Variants in HMMR observed in about 807,000 individuals in gnomAD.
HMMR encodes the protein hyaluronan mediated motility receptor, also known as intracellular hyaluronic acid-binding protein.
Under a neutral mutation model 101.0 loss-of-function variants are expected in HMMR, and 108 were observed. The observed-to-expected ratio is 1.07, with a 90% CI of 0.92 to 1.25. The LOEUF (loss-of-function observed/expected upper bound fraction) is 1.25, where lower values mean the gene tolerates loss of function less well. HMMR is among the 50% of genes most tolerant of loss of function. HMMR has a pLI of 0.00. For synonymous variants in HMMR, 296 were observed against 276.4 expected, an observed-to-expected ratio of 1.07 and a Z score of -0.70; for missense variants, 813 against 788.7, an observed-to-expected ratio of 1.03 and a Z score of -0.37.
intron 16 of HMMR, among the ~76,000 whole-genome samples, chr5:163,486,978 G>A (rs1223597522): frequency 6.6e-6 from 1 of 152,128 alleles, no homozygotes; most frequent in Non-Finnish European, 1.5e-5. Context: ...ACTTGGGTAG[G>A]AGAATGGCTT....
intron 12 of HMMR, among the ~76,000 whole-genome samples, chr5:163,480,665 T>A: frequency 6.6e-6 from 1 of 152,182 alleles, no homozygotes; most frequent in East Asian, 1.9e-4. Flanking sequence ...TCCATTTATC[T>A]TCTTTGCCAA....
At chr5:163,480,228 CTGTG>C (rs1759211343) in intron 12 of HMMR, among the ~76,000 whole-genome samples, 1 of 152,002 alleles carries the variant, frequency 6.6e-6, no homozygotes, top group Non-Finnish European at 1.5e-5. Context: ...TTTTTCCCCC[CTGTG>C]TATTATAATT....
chr5:163,490,771 A>C (rs1177234642), intron 17 of HMMR, among the ~76,000 whole-genome samples: 1 of 152,204 alleles, frequency 6.6e-6, no homozygotes, highest in Non-Finnish European at 1.5e-5. Flanking sequence ...GGCAAATCTC[A>C]AATCTTCCTT....
chr5:163,491,298 C>T lies in HMMR; in HGVS notation c.*134C>T. ...CCAATCCTTAAATATGTGAAAGGAA[C>T]ATTTTTTACCAAAGTGTCTTTTGAC... On this transcript the variant is annotated 3_prime_UTR_variant, in exon 18 of 18. Transcript: ENST00000393915. 2 of 530,292 alleles carry T rather than the reference C, an allele frequency of 3.8e-6. No individual in the cohort carries two copies. The highest frequency in any genetic ancestry group is 3.3e-6 in the Non-Finnish European group (1 of 301,438). The allele number at this position is 530,292 out of a possible 1,614,324, so 32.8% of individuals were successfully genotyped here. A position where few individuals can be genotyped will look rare whatever the true frequency, so the allele number is the denominator to read the frequency against.
rs116255556 is a variant in HMMR, at chr5:163,485,890, T to G, written c.1962+1645T>G. ...TGGACATGCAATAGTCCCCACACTATTTTTTAAAGAGAATATTCTTGCCTC... is the reference window on the plus strand; with the variant it reads ...TGGACATGCAATAGTCCCCACACTAGTTTTTAAAGAGAATATTCTTGCCTC... On this transcript the variant is annotated intron_variant, in intron 16 of 17. Coordinates refer to ENST00000393915, the MANE Select transcript of HMMR (RefSeq NM_001142556.2). 9.2e-3 allele frequency among the ~76,000 whole-genome samples: 1,397 copies of G among 151,070 alleles called. 22 individuals carry two copies. The highest frequency in any genetic ancestry group is 0.031 in the African/African-American group (1,273 of 40,562).
intron 8 of HMMR, 49 bp downstream of exon 8, chr5:163,473,302 G>A: frequency 6.8e-7 from 1 of 1,480,066 alleles, no homozygotes; most frequent in African/African-American, 1.4e-5. Flanking sequence ...TTAATACTCA[G>A]TCATTTTCAT....
At chr5:163,470,825 A>C (rs559028510) in intron 5 of HMMR, among the ~76,000 whole-genome samples, 11 of 152,148 alleles carry the variant, frequency 7.2e-5, no homozygotes, top group African/African-American at 2.6e-4. Context: ...CCCCATCTCT[A>C]TAAACAAATT....
At chr5:163,473,597 TTACA>T in intron 9 of HMMR, 40 bp downstream of exon 9, 1 of 1,284,982 alleles carries the variant, frequency 7.8e-7, no homozygotes, top group Non-Finnish European at 1.1e-6. Flanking sequence ...TAGATAAGTG[TTACA>T]TACAACATTT....
At chr5:163,462,383 A>G (rs1193489340) in intron 1 of HMMR, among the ~76,000 whole-genome samples, 1 of 149,400 alleles carries the variant, frequency 6.7e-6, no homozygotes, top group African/African-American at 2.5e-5. Flanking sequence ...AAGCAAAAAA[A>G]CCCCCAAAAT....
chr5:163,478,108 T>C (rs1759128066), intron 11 of HMMR, among the ~76,000 whole-genome samples: 1 of 152,132 alleles, frequency 6.6e-6, no homozygotes, highest in Non-Finnish European at 1.5e-5. Flanking sequence ...ATATATTATT[T>C]CCAAAATATC....
rs1176988900 is a variant in HMMR, at chr5:163,475,457, G to A, written c.1054-1G>A. On this transcript the variant is annotated splice_acceptor_variant, in intron 10 of 17. Coordinates refer to ENST00000393915, the MANE Select transcript of HMMR (RefSeq NM_001142556.2). LOFTEE classifies it high-confidence loss of function. ...TTTGGTGGTTTTCTGTTTGGATATA[G>A]GAATTATCTTCGAGTCTTCATCAGA... 1 of 1,564,116 alleles carries A rather than the reference G, an allele frequency of 6.4e-7. No homozygotes were observed. Among genetic ancestry groups the A allele is most frequent in the Middle Eastern group, 1.7e-4 (1 of 5,868 alleles).
Position 163,473,485 on chromosome 5 carries a change from G to C in HMMR, c.832G>C (p.Glu278Gln), listed in dbSNP as rs1581193065. The change falls in exon 9 of 18, where the codon GAG (glutamate) becomes CAG (glutamine). Residue 278 changes from glutamate (E) to glutamine (Q), a missense_variant. Glu to Gln is a conservative substitution (Grantham distance 29). Coordinates refer to ENST00000393915, the MANE Select transcript of HMMR (RefSeq NM_001142556.2). Reference sequence around the variant, plus strand: ...TTTAAGCCTTAAGCAGTCTCTTGAGGAGAATATTGTTATATTATCTAAACA... The same window carrying C: ...TTTAAGCCTTAAGCAGTCTCTTGAGCAGAATATTGTTATATTATCTAAACA... The part of the protein sequence containing the change: ...EILSLKQSLE[E>Q]NIVILSKQVE... 6.2e-6 allele frequency: 10 copies of C among 1,601,134 alleles called. No homozygotes were observed. The highest frequency in any genetic ancestry group is 8.5e-6 in the Non-Finnish European group (10 of 1,171,128).
At chr5:163,474,396 A>G in intron 10 of HMMR, 191 bp downstream of exon 10, 2 of 566,286 alleles carry the variant, frequency 3.5e-6, no homozygotes, top group South Asian at 3.9e-5. Context: ...CCCTAGGGTT[A>G]TGAATAATGT....
Position 163,463,892 on chromosome 5 carries a change from C to T in HMMR, c.83C>T (p.Thr28Ile). The part of the protein sequence containing the change: ...APSPGAYDVK[T>I]LEVLKGPVSF... ...TCTCCAGGTGCTTATGATGTTAAAA[C>T]TTTAGAAGTATTGAAAGGACCAGTA... The change falls in exon 2 of 18, where the codon ACT becomes ATT. Residue 28 changes from threonine (T) to isoleucine (I), a missense_variant. Coordinates refer to ENST00000393915, the MANE Select transcript of HMMR (RefSeq NM_001142556.2). 6 of 1,495,272 alleles carry T rather than the reference C, an allele frequency of 4.0e-6. No individual in the cohort carries two copies. The highest frequency in any genetic ancestry group is 5.4e-6 in the Non-Finnish European group (6 of 1,120,684). 92.6% of individuals were successfully genotyped at this position (1,495,272 alleles called of 1,614,324 possible).
intron 5 of HMMR, among the ~76,000 whole-genome samples, 176 bp from the exon 6 acceptor site, chr5:163,471,006 GAAA>G (rs557207154): frequency 6.6e-6 from 1 of 150,686 alleles, no homozygotes; most frequent in Non-Finnish European, 1.5e-5. Context: ...AAAAAGAAAA[GAAA>G]AAAAAATTAA....
Position 163,482,643 on chromosome 5 carries a change from T to A in HMMR, c.1387T>A (p.Tyr463Asn). The change falls in exon 13 of 18, where the codon TAT becomes AAT. Residue 463 changes from tyrosine (Y) to asparagine (N), a missense_variant and splice_region_variant. By Grantham distance (143) the Tyr-to-Asn change is moderately radical (BLOSUM62 -2). Coordinates refer to ENST00000393915, the MANE Select transcript of HMMR (RefSeq NM_001142556.2). ...LEDVTAQFESYKALTASEIED... is the reference protein window; with the variant it reads ...LEDVTAQFESNKALTASEIED... ...TGACTTTTTTTTCTTTTTAATAAGC[T>A]ATAAAGCGTTAACAGCCAGTGAGAT... 2 of 1,606,842 alleles carry A rather than the reference T, an allele frequency of 1.2e-6. No individual in the cohort carries two copies. The highest frequency in any genetic ancestry group is 1.7e-6 in the Non-Finnish European group (2 of 1,174,232).
At chr5:163,467,825 T>C in intron 4 of HMMR, 77 bp downstream of exon 4, 2 of 934,462 alleles carry the variant, frequency 2.1e-6, no homozygotes, top group Non-Finnish European at 3.4e-6. Flanking sequence ...ATAAGGATTC[T>C]GTTGCAGTGT....
In HMMR at chr5:163,490,498, G is replaced by C. The variant is rs771048014; in HGVS notation, c.2071G>C (p.Ala691Pro). The C allele has an allele frequency of 2.2e-5, 36 of 1,603,736 alleles. 2 individuals carry two copies. In the South Asian group the frequency reaches 3.0e-4, roughly 14 times the overall value. ...TATCAAACACTTTGATCCTTCAAAGGCTTTTCATCATGAAAGTAAAGAAAA... is the reference window on the plus strand; with the variant it reads ...TATCAAACACTTTGATCCTTCAAAGCCTTTTCATCATGAAAGTAAAGAAAA... ...LGIKHFDPSKAFHHESKENFA... is the reference protein window; with the variant it reads ...LGIKHFDPSKPFHHESKENFA... The change falls in exon 17 of 18, where the codon GCT becomes CCT. Residue 691 changes from alanine to proline, a missense_variant. By Grantham distance (27) the Ala-to-Pro change is conservative. Transcript: ENST00000393915.
In HMMR at chr5:163,465,024, T is replaced by C. The variant is rs1581187019; in HGVS notation, c.225+222T>C. 1.6e-5 allele frequency: 8 copies of C among 487,792 alleles called. No homozygotes were observed. In the East Asian group the frequency reaches 2.7e-4, roughly 16 times the overall value. 30.2% of individuals were successfully genotyped at this position (487,792 alleles called of 1,614,324 possible). A position where few individuals can be genotyped will look rare whatever the true frequency, so the allele number is the denominator to read the frequency against. On this transcript the variant is annotated intron_variant, in intron 3 of 17. Coordinates refer to ENST00000393915, the MANE Select transcript of HMMR (RefSeq NM_001142556.2). ...AGTTCACAATTATAATGGTCTTCAA[T>C]TCTCAATCACTTCTATGTTTAAATT...
Sources: gnomAD v4.1 joint callset for allele counts (sites outside exome capture counted in the v4.1 genomes callset) on GRCh38, gnomAD v4.1.1 for gene constraint, MANE v1.5 for transcripts, NCBI Gene and HGNC (gene_info 2026-07-23, HGNC 2026-07-21) for gene names.